Variants in LUZP2 observed in about 807,000 individuals in gnomAD.
LUZP2 encodes leucine zipper protein 2.
In LUZP2, 52 loss-of-function variants were observed where a neutral mutation model predicts 51.6. The ratio of observed to expected loss-of-function variants is 1.01; its 90% CI spans 0.81 to 1.27. The LOEUF is 1.27. LUZP2 is among the 50% of genes most tolerant of loss of function. The pLI is 0.00. For missense variants in LUZP2, 436 were observed against 395.4 expected, an observed-to-expected ratio of 1.10 and a Z score of -0.87; for synonymous variants, 154 against 137.3, an observed-to-expected ratio of 1.12 and a Z score of -0.85.
At chr11:25,033,615 C>T (rs753228269) in intron 9 of LUZP2, among the ~76,000 whole-genome samples, 10 of 152,026 alleles carry the variant, frequency 6.6e-5, no homozygotes, top group South Asian at 6.2e-4. Flanking sequence ...CTATAACTTC[C>T]GTATGTATGT....
At chr11:25,020,579 T>C (rs1381138463) in intron 9 of LUZP2, among the ~76,000 whole-genome samples, 1 of 152,128 alleles carries the variant, frequency 6.6e-6, no homozygotes, top group Non-Finnish European at 1.5e-5. Context: ...CAGAGTTATA[T>C]TCTTGGTGGT....
intron 9 of LUZP2, among the ~76,000 whole-genome samples, chr11:25,009,431 A>G (rs542394288): frequency 6.6e-6 from 1 of 152,210 alleles, no homozygotes; most frequent in East Asian, 1.9e-4. Context: ...ATATCTAATC[A>G]ATGTGTAATA....
intron 5 of LUZP2, among the ~76,000 whole-genome samples, chr11:24,847,891 A>G (rs911459493): frequency 6.6e-6 from 1 of 152,100 alleles, no homozygotes; most frequent in African/African-American, 2.4e-5. Flanking sequence ...TAATTTCAAA[A>G]CTTACGCTAT....
At chr11:24,599,891 C>T (rs1346800588) in intron 1 of LUZP2, among the ~76,000 whole-genome samples, 1 of 152,056 alleles carries the variant, frequency 6.6e-6, no homozygotes, top group Non-Finnish European at 1.5e-5. Flanking sequence ...AAGTTCTTTG[C>T]ATCTTATTTT....
intron 5 of LUZP2, among the ~76,000 whole-genome samples, chr11:24,820,571 G>A (rs555464592): frequency 1.3e-5 from 2 of 152,234 alleles, no homozygotes; most frequent in East Asian, 3.9e-4. Context: ...AACTAGTGAT[G>A]AGATCTGAAA....
chr11:24,753,995 T>C (rs1449208999), intron 4 of LUZP2, among the ~76,000 whole-genome samples: 3 of 152,216 alleles, frequency 2.0e-5, no homozygotes, highest in Non-Finnish European at 4.4e-5. Context: ...TACTCAGCCT[T>C]TGATAGTGTT....
At chr11:24,549,301 G>T (rs191996742) in intron 1 of LUZP2, among the ~76,000 whole-genome samples, 1 of 152,028 alleles carries the variant, frequency 6.6e-6, no homozygotes, top group Non-Finnish European at 1.5e-5. Flanking sequence ...TCACTGTCAC[G>T]CATCTTTACG....
At chr11:24,651,472 T>C (rs1265128341) in intron 1 of LUZP2, among the ~76,000 whole-genome samples, 1 of 152,124 alleles carries the variant, frequency 6.6e-6, no homozygotes, top group Admixed American at 6.6e-5. Flanking sequence ...AAGGGGCAGA[T>C]GATTTTTGTT....
intron 1 of LUZP2, among the ~76,000 whole-genome samples, chr11:24,574,468 A>C (rs922177186): frequency 6.6e-6 from 1 of 151,220 alleles, no homozygotes; most frequent in Non-Finnish European, 1.5e-5. Context: ...TATGTGACTT[A>C]GAAACTAAAC....
At chr11:24,879,732 CTGTT>C (rs1297790448) in intron 5 of LUZP2, among the ~76,000 whole-genome samples, 1 of 152,170 alleles carries the variant, frequency 6.6e-6, no homozygotes, top group Non-Finnish European at 1.5e-5. Flanking sequence ...TGAGAAGTGT[CTGTT>C]CATATCCTTT....
intron 1 of LUZP2, among the ~76,000 whole-genome samples, chr11:24,693,248 T>C (rs1274208151): frequency 6.6e-6 from 1 of 151,684 alleles, no homozygotes; most frequent in African/African-American, 2.4e-5. Context: ...TTATACAGCA[T>C]TGGGTGATTT....
intron 5 of LUZP2, among the ~76,000 whole-genome samples, chr11:24,789,625 G>C (rs1195152790): frequency 6.6e-6 from 1 of 152,114 alleles, no homozygotes; most frequent in Non-Finnish European, 1.5e-5. Flanking sequence ...ACAAAATGTT[G>C]TAAAATGGGT....
chr11:24,579,191 A>T (rs1399995715), intron 1 of LUZP2, among the ~76,000 whole-genome samples: 1 of 152,146 alleles, frequency 6.6e-6, no homozygotes, highest in Non-Finnish European at 1.5e-5. Context: ...GAGCATATAG[A>T]ATATTTTAAT....
chr11:25,036,235 T>C (rs1200967258), intron 9 of LUZP2, among the ~76,000 whole-genome samples: 3 of 152,158 alleles, frequency 2.0e-5, no homozygotes. Flanking sequence ...TATCAGTTTC[T>C]TCTATATTTT....
chr11:24,774,385 T>TATATATATAC (rs1554989452), intron 5 of LUZP2, among the ~76,000 whole-genome samples: 1 of 109,768 alleles, frequency 9.1e-6, no homozygotes, highest in Non-Finnish European at 1.9e-5. Context: ...TATATATACA[T>TATATATATAC]ACACACACAC....
intron 9 of LUZP2, among the ~76,000 whole-genome samples, chr11:25,005,109 C>T (rs1463067996): frequency 6.6e-6 from 1 of 152,114 alleles, no homozygotes; most frequent in Non-Finnish European, 1.5e-5. Flanking sequence ...CCAGGTTGGA[C>T]CAAATTCCCC....
intron 9 of LUZP2, among the ~76,000 whole-genome samples, chr11:25,034,433 A>G (rs778965798): frequency 6.6e-6 from 1 of 152,030 alleles, no homozygotes; most frequent in Non-Finnish European, 1.5e-5. Context: ...ATTATATCTC[A>G]CTTGTCTTTT....
At chr11:24,497,860 G>C (rs1849874978) in intron 1 of LUZP2, among the ~76,000 whole-genome samples, 1 of 152,180 alleles carries the variant, frequency 6.6e-6, no homozygotes, top group East Asian at 1.9e-4. Flanking sequence ...GTTTTCTTTT[G>C]ACTGTCTTGT....
intron 5 of LUZP2, among the ~76,000 whole-genome samples, chr11:24,827,366 A>G (rs1270891046): frequency 6.6e-6 from 1 of 152,220 alleles, no homozygotes; most frequent in Non-Finnish European, 1.5e-5. Context: ...ATACTACAAA[A>G]AGATCACTAA....
Sources: allele counts gnomAD v4.1 joint callset (sites outside exome capture counted in the v4.1 genomes callset), GRCh38; gene constraint gnomAD v4.1.1; transcripts MANE v1.5; gene names NCBI Gene and HGNC (gene_info 2026-07-23, HGNC 2026-07-21).